Variants in FGF12 observed in about 807,000 individuals in gnomAD.
FGF12 encodes fibroblast growth factor 12B.
Under a neutral mutation model 23.6 loss-of-function variants are expected in FGF12, and 14 were observed. The ratio of observed to expected loss-of-function variants is 0.59; its 90% CI spans 0.39 to 0.93. The LOEUF is 0.93. FGF12 is among the 40% of genes least tolerant of loss of function. FGF12 has a pLI of 0.00. For synonymous variants in FGF12, 62 were observed against 77.3 expected, an observed-to-expected ratio of 0.80 and a Z score of 1.04; for missense variants, 175 against 217.8, an observed-to-expected ratio of 0.80 and a Z score of 1.24.
chr3:192,367,277 G>A (rs1203563819), intron 2 of FGF12, among the ~76,000 whole-genome samples: 1 of 152,198 alleles, frequency 6.6e-6, no homozygotes, highest in African/African-American at 2.4e-5. Context: ...AGATTGTGGA[G>A]TAGTTTGACG....
chr3:192,164,716 G>A (rs113308233), intron 5 of FGF12, among the ~76,000 whole-genome samples: 3 of 152,178 alleles, frequency 2.0e-5, no homozygotes, highest in African/African-American at 2.4e-5. Context: ...CTCATTTACC[G>A]TGCAGTGCTG....
intron 4 of FGF12, among the ~76,000 whole-genome samples, chr3:192,260,206 A>G (rs1437113751): frequency 6.6e-6 from 1 of 151,968 alleles, no homozygotes; most frequent in Non-Finnish European, 1.5e-5. Context: ...TTGACAAACT[A>G]CAAGATACCA....
intron 2 of FGF12, among the ~76,000 whole-genome samples, chr3:192,528,737 C>T (rs1725014876): frequency 6.6e-6 from 1 of 152,162 alleles, no homozygotes; most frequent in African/African-American, 2.4e-5. Context: ...AACCCCAAAT[C>T]TTGACTTCTG....
chr3:192,660,739 T>C (rs955249678), intron 2 of FGF12, among the ~76,000 whole-genome samples: 1 of 152,158 alleles, frequency 6.6e-6, no homozygotes, highest in Non-Finnish European at 1.5e-5. Flanking sequence ...ACCATACTAA[T>C]AGACCTCCTA....
chr3:192,453,808 A>G (rs1181792868), intron 2 of FGF12, among the ~76,000 whole-genome samples: 1 of 152,154 alleles, frequency 6.6e-6, no homozygotes, highest in Non-Finnish European at 1.5e-5. Flanking sequence ...TGCCTTGATC[A>G]GTTAGTTAGC....
At chr3:192,560,004 G>T (rs781405) in intron 2 of FGF12, among the ~76,000 whole-genome samples, 131,331 of 152,020 alleles carry the variant, frequency 0.86, 56,797 homozygotes, top group East Asian at 0.95. Flanking sequence ...AAAATAAGTA[G>T]CAATAAATTT....
rs1403208015 is a variant in FGF12 at position 192,405,287 on chromosome 3, C to CA, written c.14-44750dup. Among the ~76,000 whole-genome samples the CA allele has an allele frequency of 3.3e-5, 5 of 151,186 alleles. 1 individual carries two copies. The highest frequency in any genetic ancestry group is 1.2e-4 in the African/African-American group (5 of 40,478). ...TTTGCCATGATAATTTCAGGATCCC[C>CA]ACTGTATTTATACAGCTTCAATACT... On this transcript the variant is annotated intron_variant, in intron 2 of 5. Transcript: ENST00000445105.
At chr3:192,273,906 TAAA>T (rs11308169) in intron 4 of FGF12, among the ~76,000 whole-genome samples, 2 of 144,334 alleles carry the variant, frequency 1.4e-5, no homozygotes, top group Non-Finnish European at 3.1e-5. Flanking sequence ...GTGAGTGAAT[TAAA>T]AAAAAAAAAA....
At chr3:192,557,748 T>C (rs1203564051) in intron 2 of FGF12, among the ~76,000 whole-genome samples, 1 of 151,880 alleles carries the variant, frequency 6.6e-6, no homozygotes, top group African/African-American at 2.4e-5. Context: ...ATTCCTGAGA[T>C]GTGATGATAG....
chr3:192,669,552 C>G (rs1419458277), intron 2 of FGF12, among the ~76,000 whole-genome samples: 1 of 136,732 alleles, frequency 7.3e-6, no homozygotes, highest in African/African-American at 2.8e-5. Flanking sequence ...TGCAGTGAGC[C>G]GAAATTGTGC....
chr3:192,465,980 G>A lies in FGF12; in HGVS notation c.14-105442C>T, dbSNP rs146930969. The stretch of plus-strand genomic sequence containing the variant: ...CAACTATGCTTATGCATTGCTTAAT[G>A]ACTGGAAGATGCATCATCAGGCGAT... On this transcript the variant is annotated intron_variant, in intron 2 of 5. Transcript: ENST00000445105. 3.3e-3 allele frequency among the ~76,000 whole-genome samples: 509 copies of A among 152,242 alleles called. 1 individual carries two copies. Among genetic ancestry groups the A allele is most frequent in the African/African-American group, 0.012 (491 of 41,556 alleles).
At chr3:192,369,065 T>G (rs1288616240) in intron 2 of FGF12, among the ~76,000 whole-genome samples, 1 of 152,136 alleles carries the variant, frequency 6.6e-6, no homozygotes, top group Non-Finnish European at 1.5e-5. Context: ...ATTTTAGAGG[T>G]GCTTGTTTAC....
chr3:192,467,246 C>A (rs1216930594), intron 2 of FGF12, among the ~76,000 whole-genome samples: 6 of 152,142 alleles, frequency 3.9e-5, no homozygotes, highest in African/African-American at 1.4e-4. Context: ...GCTCCTAATT[C>A]TCCCACTGAT....
intron 2 of FGF12, among the ~76,000 whole-genome samples, chr3:192,577,197 A>C (rs911953588): frequency 6.6e-6 from 1 of 152,210 alleles, no homozygotes; most frequent in African/African-American, 2.4e-5. Context: ...CAGAACTTAA[A>C]GTGTAATAAA....
intron 2 of FGF12, among the ~76,000 whole-genome samples, chr3:192,567,764 T>A (rs1712383852): frequency 7.6e-6 from 1 of 132,024 alleles, no homozygotes; most frequent in African/African-American, 2.7e-5. Context: ...TTTCTTTCTT[T>A]CTTTCTTTCT....
At chr3:192,191,885 T>C (rs959039638) in intron 4 of FGF12, among the ~76,000 whole-genome samples, 1 of 148,446 alleles carries the variant, frequency 6.7e-6, no homozygotes, top group Non-Finnish European at 1.5e-5. Context: ...CCTAAACAAA[T>C]AGCAGGGATA....
chr3:192,258,812 G>T (rs1712569894), intron 4 of FGF12, among the ~76,000 whole-genome samples: 1 of 152,146 alleles, frequency 6.6e-6, no homozygotes, highest in African/African-American at 2.4e-5. Context: ...TGAACGACTT[G>T]TGAAAATCGT....
intron 2 of FGF12, among the ~76,000 whole-genome samples, chr3:192,616,876 C>G (rs958905976): frequency 6.6e-6 from 1 of 151,710 alleles, no homozygotes; most frequent in Non-Finnish European, 1.5e-5. Context: ...GGACAAATAA[C>G]TGAAAAATCA....
chr3:192,288,955 C>G (rs556427617), intron 4 of FGF12, among the ~76,000 whole-genome samples: 1 of 152,036 alleles, frequency 6.6e-6, no homozygotes, highest in Admixed American at 6.6e-5. Context: ...TTCATGATAC[C>G]AAAAAAGGCC....
Sources: allele counts gnomAD v4.1 joint callset (sites outside exome capture counted in the v4.1 genomes callset), GRCh38; gene constraint gnomAD v4.1.1; transcripts MANE v1.5; gene names NCBI Gene and HGNC (gene_info 2026-07-23, HGNC 2026-07-21).